Variants in CELF2 observed in about 807,000 individuals in gnomAD.
CELF2 encodes CUGBP Elav-like family member 2, also known as CUG triplet repeat RNA-binding protein 2.
CELF2 carries 8 observed loss-of-function variants against 62.6 expected under a neutral mutation model. The observed-to-expected ratio is 0.13, with a 90% CI of 0.07 to 0.23. The LOEUF (loss-of-function observed/expected upper bound fraction) is 0.23. Among genes scored for constraint, CELF2 ranks in the 10% least tolerant of loss-of-function variants. CELF2 has a pLI of 1.00. For missense variants in CELF2, 333 were observed against 671.0 expected (o/e 0.50, Z 5.56); for synonymous variants, 258 against 250.0 (o/e 1.03, Z -0.30).
chr10:10,918,907 A>G (rs1017737113), intron 1 of CELF2, among the ~76,000 whole-genome samples: 20 of 152,112 alleles, frequency 1.3e-4, no homozygotes, highest in Non-Finnish European at 2.6e-4. Context: ...AAAGAGTTCA[A>G]CCGAAAGCCT....
chr10:11,012,004 T>C lies in CELF2; in HGVS notation c.53+6564T>C, dbSNP rs1488532272. Among the ~76,000 whole-genome samples the C allele has an allele frequency of 3.9e-5, 6 of 152,244 alleles. No individual in the cohort carries two copies. The highest frequency in any genetic ancestry group is 8.8e-5 in the Non-Finnish European group (6 of 68,052). On this transcript the variant is annotated intron_variant, in intron 1 of 12. Coordinates refer to the CELF2 transcript ENST00000416382. This position sits in a 1 kb window ranked among gnomAD's most constrained non-coding sequence, Gnocchi z 5.5. ...AATTAGGTTAACACATTGTACTTCT[T>C]ATCTGAGGATCATGGTAGGCTTTGA...
intron 1 of CELF2, chr10:10,919,874 A>G (rs2064722352): frequency 2.4e-6 from 2 of 828,396 alleles, no homozygotes; most frequent in Non-Finnish European, 3.2e-6. Context: ...TATACCTGAT[A>G]CCATAATACT....
the CELF2 span, among the ~76,000 whole-genome samples, chr10:10,615,342 G>A: frequency 6.6e-6 from 1 of 152,050 alleles, no homozygotes; most frequent in East Asian, 1.9e-4. Context: ...CAAAAAATTT[G>A]GGTTGTCAGA....
At chr10:10,787,807 C>A in the CELF2 span, among the ~76,000 whole-genome samples, 3 of 152,086 alleles carry the variant, frequency 2.0e-5, no homozygotes, top group African/African-American at 7.2e-5. Context: ...TTTTTTTAAT[C>A]CCCATTTATA....
chr10:10,695,424 C>A, the CELF2 span, among the ~76,000 whole-genome samples: 5 of 149,918 alleles, frequency 3.3e-5, no homozygotes, highest in East Asian at 9.6e-4. Context: ...ACCTTTCTCT[C>A]TGGCTGCCCT....
At chr10:10,826,402 T>G (rs1159618233) in intron 1 of CELF2, among the ~76,000 whole-genome samples, 1 of 152,230 alleles carries the variant, frequency 6.6e-6, no homozygotes, top group East Asian at 1.9e-4. Flanking sequence ...CTGGGATTTA[T>G]CAAATAAAAA....
the CELF2 span, among the ~76,000 whole-genome samples, chr10:10,592,231 A>C: frequency 6.6e-6 from 1 of 152,308 alleles, no homozygotes; most frequent in African/African-American, 2.4e-5. Flanking sequence ...ATGGAAACGA[A>C]GCCCTGGCTG....
At chr10:11,257,950 A>T in intron 5 of CELF2, 78 bp downstream of exon 5, 1 of 1,548,760 alleles carries the variant, frequency 6.5e-7, no homozygotes. Flanking sequence ...AGATGTAGGC[A>T]CCGCACACGG....
At chr10:10,839,006 C>T (rs987471949) in intron 1 of CELF2, among the ~76,000 whole-genome samples, 4 of 151,992 alleles carry the variant, frequency 2.6e-5, no homozygotes, top group African/African-American at 7.3e-5. Flanking sequence ...ATTAGCCAGA[C>T]GTGGTGGCAC....
the CELF2 span, among the ~76,000 whole-genome samples, chr10:10,568,003 T>G: frequency 1.3e-5 from 2 of 152,002 alleles, no homozygotes; most frequent in Non-Finnish European, 2.9e-5. Flanking sequence ...GAACTCTCAC[T>G]CTGGGGAATA....
In CELF2 at chr10:11,243,105, C is replaced by T. The variant is rs2074486120; in HGVS notation, c.355-6048C>T. Among the ~76,000 whole-genome samples the T allele has an allele frequency of 1.3e-5, 2 of 152,112 alleles. No homozygotes were observed. On this transcript the variant is annotated intron_variant, in intron 3 of 12. Coordinates refer to ENST00000633077, the MANE Select transcript of CELF2 (RefSeq NM_001326342.2). This position sits in a 1 kb window ranked among gnomAD's most constrained non-coding sequence, Gnocchi z 4.1. ...GACTATATCTCTGTGTGCCGAGATG[C>T]TCCCCTCCATGAGCTCCACCTTCAT... is the stretch of plus-strand genomic sequence containing the variant.
chr10:10,580,289 A>G, the CELF2 span, among the ~76,000 whole-genome samples: 1 of 152,150 alleles, frequency 6.6e-6, no homozygotes, highest in Non-Finnish European at 1.5e-5. Context: ...GTCTCCCCCA[A>G]TTCATAAGTG....
At chr10:10,464,172 A>G in the CELF2 span, among the ~76,000 whole-genome samples, 9 of 152,174 alleles carry the variant, frequency 5.9e-5, no homozygotes, top group African/African-American at 1.9e-4. Flanking sequence ...AAAAGACCTT[A>G]GAACATTACA....
intron 1 of CELF2, among the ~76,000 whole-genome samples, chr10:10,804,750 ATGT>A (rs1269496721): frequency 6.6e-6 from 1 of 152,168 alleles, no homozygotes; most frequent in Non-Finnish European, 1.5e-5. Flanking sequence ...AGACCCCGAA[ATGT>A]TGTAAGTCAC....
chr10:10,671,225 T>G, the CELF2 span, among the ~76,000 whole-genome samples: 1 of 149,350 alleles, frequency 6.7e-6, no homozygotes, highest in South Asian at 2.1e-4. Flanking sequence ...AAAAAAGAAT[T>G]AGGCACCTAA....
At chr10:11,153,071 T>C (rs1259227780) in intron 1 of CELF2, among the ~76,000 whole-genome samples, 1 of 152,210 alleles carries the variant, frequency 6.6e-6, no homozygotes, top group East Asian at 1.9e-4. Context: ...AAGTCATGTA[T>C]TTCTGAATGT....
intron 1 of CELF2, among the ~76,000 whole-genome samples, chr10:10,844,343 C>G (rs1288511225): frequency 1.3e-5 from 2 of 151,998 alleles, no homozygotes; most frequent in African/African-American, 4.8e-5. Flanking sequence ...AGTGTTGAGT[C>G]TGAAAAAGCT....
chr10:10,942,415 C>T (rs1175868109), intron 2 of CELF2, among the ~76,000 whole-genome samples: 1 of 152,126 alleles, frequency 6.6e-6, no homozygotes, highest in African/African-American at 2.4e-5. Flanking sequence ...GGAAGGATTC[C>T]GTTTCTTATG....
chr10:11,294,740 G>A (rs992464223), intron 9 of CELF2, among the ~76,000 whole-genome samples: 1 of 152,042 alleles, frequency 6.6e-6, no homozygotes, highest in Non-Finnish European at 1.5e-5. Flanking sequence ...GTGAAACCCA[G>A]TCTCGACTAA....
Sources: gnomAD v4.1 joint callset for allele counts (sites outside exome capture counted in the v4.1 genomes callset) on GRCh38, gnomAD v4.1.1 for gene constraint, Gnocchi (gnomAD v3.1) non-coding constraint, MANE v1.5 for transcripts, NCBI Gene and HGNC (gene_info 2026-07-23, HGNC 2026-07-21) for gene names.